Variants in DAPK1 observed in about 807,000 individuals in gnomAD.
The protein encoded by DAPK1 is death-associated protein kinase 1.
In DAPK1, 56 loss-of-function variants were observed where a neutral mutation model predicts 144.9. The ratio of observed to expected loss-of-function variants is 0.39; its 90% confidence interval spans 0.31 to 0.48. The LOEUF (loss-of-function observed/expected upper bound fraction) is 0.48, where lower values mean the gene tolerates loss of function less well. DAPK1 is among the 20% of genes least tolerant of loss of function. DAPK1 has a pLI of 0.95. For missense variants in DAPK1, 1,454 were observed against 1,875.4 expected (o/e 0.78, Z 4.15); for synonymous variants, 690 against 749.0 (o/e 0.92, Z 1.29).
At chr9:87,576,702 C>T (rs1320183903) in intron 2 of DAPK1, among the ~76,000 whole-genome samples, 5 of 152,032 alleles carry the variant, frequency 3.3e-5, no homozygotes, top group Non-Finnish European at 7.4e-5. Context: ...GGATTACAGG[C>T]ACCCGCCACT....
intron 17 of DAPK1, among the ~76,000 whole-genome samples, chr9:87,656,843 T>A (rs1356336241): frequency 6.6e-6 from 1 of 152,162 alleles, no homozygotes; most frequent in African/African-American, 2.4e-5. Flanking sequence ...ATTTCTCTCC[T>A]GTTGAGGATT....
intron 2 of DAPK1, among the ~76,000 whole-genome samples, chr9:87,568,778 G>T (rs1212789463): frequency 6.6e-6 from 1 of 152,186 alleles, no homozygotes; most frequent in Non-Finnish European, 1.5e-5. Context: ...GAGCCATATA[G>T]TGTTGGGGCT....
At chr9:87,705,554 T>A (rs1825608292) in intron 25 of DAPK1, among the ~76,000 whole-genome samples, 1 of 152,234 alleles carries the variant, frequency 6.6e-6, no homozygotes, top group African/African-American at 2.4e-5. Context: ...TGTTGACATT[T>A]TGCTACATTT....
At chr9:87,697,334 C>T (rs1204915269) in intron 22 of DAPK1, 130 bp downstream of exon 22, 4 of 634,566 alleles carry the variant, frequency 6.3e-6, no homozygotes, top group African/African-American at 1.8e-5. Context: ...GAGCAGATCC[C>T]ACCGTTTGTG....
chr9:87,649,917 C>T lies in DAPK1; in HGVS notation c.1429-4C>T. 1.9e-6 allele frequency: 3 copies of T among 1,614,014 alleles called. No individual in the cohort carries two copies. The highest frequency in any genetic ancestry group is 2.5e-6 in the Non-Finnish European group (3 of 1,179,852). On this transcript the variant is annotated splice_region_variant and splice_polypyrimidine_tract_variant and intron_variant, in intron 15 of 25. Transcript: ENST00000408954. ...CTCCTCTCTGTACTCGTCTCCTTGG[C>T]CAGGAAGAAGAAACCCCCCTGCACT...
intron 2 of DAPK1, among the ~76,000 whole-genome samples, chr9:87,507,526 G>T: frequency 6.6e-6 from 1 of 152,134 alleles, no homozygotes; most frequent in East Asian, 1.9e-4. Context: ...TTTACCTTAT[G>T]TACTACCTTT....
intron 3 of DAPK1, among the ~76,000 whole-genome samples, chr9:87,626,507 G>C (rs1829501385): frequency 6.6e-6 from 1 of 152,206 alleles, no homozygotes; most frequent in Non-Finnish European, 1.5e-5. Context: ...ACTGCTGCTG[G>C]AGGAATATAA....
At chr9:87,578,854 T>G (rs1452452576) in intron 2 of DAPK1, among the ~76,000 whole-genome samples, 1 of 152,218 alleles carries the variant, frequency 6.6e-6, no homozygotes, top group Non-Finnish European at 1.5e-5. Flanking sequence ...TTGGGGATTT[T>G]CGTCTTATCT....
chr9:87,514,704 G>A (rs1318243458), intron 2 of DAPK1, among the ~76,000 whole-genome samples: 2 of 152,216 alleles, frequency 1.3e-5, no homozygotes, highest in Non-Finnish European at 1.5e-5. Flanking sequence ...CAGATACAAA[G>A]ATGAAGCCAG....
In DAPK1 at chr9:87,640,241, A is replaced by C. The variant is rs1830048873; in HGVS notation, c.630-57A>C. On this transcript the variant is annotated intron_variant, in intron 7 of 25. Coordinates refer to ENST00000408954, the MANE Select transcript of DAPK1 (RefSeq NM_004938.4). ...CACACTCCAGATGTTATAGGAGCAA[A>C]ATGACAACACCAAGGGGTCATCATT... 14 of 1,539,238 alleles carry C rather than the reference A, an allele frequency of 9.1e-6. No homozygotes were observed. The South Asian group carries it at 1.7e-4, about 19-fold the overall frequency.
At chr9:87,603,790 GCTGA>G (rs1255909074) in intron 2 of DAPK1, among the ~76,000 whole-genome samples, 1 of 152,156 alleles carries the variant, frequency 6.6e-6, no homozygotes, top group African/African-American at 2.4e-5. Context: ...GTTGTGTTCC[GCTGA>G]CTATCAGTGG....
At chr9:87,510,407 C>G (rs1476895633) in intron 2 of DAPK1, among the ~76,000 whole-genome samples, 2 of 152,138 alleles carry the variant, frequency 1.3e-5, no homozygotes, top group Non-Finnish European at 2.9e-5. Flanking sequence ...GTTATAATAA[C>G]CTGGAGAATG....
intron 22 of DAPK1, 44 bp from the exon 23 acceptor site, chr9:87,698,612 G>A: frequency 2.8e-6 from 4 of 1,407,250 alleles, no homozygotes; most frequent in Non-Finnish European, 4.0e-6. Context: ...AGGCAGCCAG[G>A]TAGGAGGACC....
chr9:87,602,403 C>T (rs138922870), intron 2 of DAPK1, among the ~76,000 whole-genome samples: 3 of 152,242 alleles, frequency 2.0e-5, no homozygotes, highest in East Asian at 1.9e-4. Flanking sequence ...TTGCTGTAAA[C>T]GAAGGCACCA....
intron 2 of DAPK1, among the ~76,000 whole-genome samples, chr9:87,553,243 T>TC (rs1826563950): frequency 6.6e-6 from 1 of 151,058 alleles, no homozygotes; most frequent in South Asian, 2.1e-4. Flanking sequence ...GTCTGTCATG[T>TC]GGGGGGGGTT....
rs1452721007 is a variant in DAPK1 at position 87,638,021 on chromosome 9, A to G, written c.363A>G (p.Lys121=). 5.6e-6 allele frequency: 9 copies of G among 1,614,024 alleles called. No individual in the cohort carries two copies. Among genetic ancestry groups the G allele is most frequent in the African/African-American group, 1.3e-5 (1 of 74,936 alleles). ...LTEEEATEFL[K]QILNGVYYLH... ...AAGAGGAAGCAACTGAATTTCTCAA[A>G]CAAATTCTTAATGGTGTTTACTACC... The change falls in exon 4 of 26, where the codon AAA becomes AAG. Residue 121 remains lysine (K), a synonymous_variant. Transcript: ENST00000408954.
chr9:87,660,015 G>T (rs1215757253), intron 18 of DAPK1, among the ~76,000 whole-genome samples: 2 of 152,174 alleles, frequency 1.3e-5, no homozygotes, highest in Non-Finnish European at 2.9e-5. Context: ...CTGAGGGCGT[G>T]GACAGGGGCT....
At chr9:87,635,731 G>A (rs1829872133) in intron 3 of DAPK1, among the ~76,000 whole-genome samples, 1 of 152,190 alleles carries the variant, frequency 6.6e-6, no homozygotes, top group Non-Finnish European at 1.5e-5. Flanking sequence ...AAGGGAAGAG[G>A]TCTTATGACT....
chr9:87,706,742 C>T lies in DAPK1; in HGVS notation c.3671C>T (p.Ala1224Val). 6.2e-7 allele frequency: 1 copy of T among 1,613,248 alleles called. No homozygotes were observed. Among genetic ancestry groups the T allele is most frequent in the East Asian group, 2.2e-5 (1 of 44,860 alleles). Residue 1224 changes from alanine (A) to valine (V), a missense_variant, in exon 26 of 26, where the codon GCC becomes GTC. Coordinates refer to ENST00000408954, the MANE Select transcript of DAPK1 (RefSeq NM_004938.4). The surrounding 1 kb of genome is among the most constrained non-coding windows in gnomAD (Gnocchi z 9.0). ...SVCSTIENVM[A>V]TTLPGLLTVK... ...TGCAGCACCATTGAGAACGTCATGG[C>T]CACCACGCTGCCAGGGCTCCTGACC... is the stretch of plus-strand genomic sequence containing the variant.
Sources: allele counts gnomAD v4.1 joint callset (sites outside exome capture counted in the v4.1 genomes callset), GRCh38; gene constraint gnomAD v4.1.1; non-coding constraint Gnocchi (gnomAD v3.1); transcripts MANE v1.5; gene names NCBI Gene and HGNC (gene_info 2026-07-23, HGNC 2026-07-21).